Variants in CCNJL observed in about 807,000 individuals in gnomAD.
The protein encoded by CCNJL is cyclin J like.
In CCNJL, 33 loss-of-function variants were observed where a neutral mutation model predicts 33.4. That is an observed-to-expected ratio of 0.99 (90% CI 0.75 to 1.32). The LOEUF is 1.32. CCNJL is among the 40% of genes most tolerant of loss of function. CCNJL has a pLI of 0.00. For synonymous variants in CCNJL, 227 were observed against 220.9 expected (o/e 1.03, Z -0.24); for missense variants, 512 against 499.7 (o/e 1.02, Z -0.23).
chr5:160,266,211 G>T (rs1761579002), intron 3 of CCNJL, among the ~76,000 whole-genome samples: 1 of 152,270 alleles, frequency 6.6e-6, no homozygotes, highest in African/African-American at 2.4e-5. Flanking sequence ...AGGGACAGAA[G>T]AGGAAAGAGA....
chr5:160,304,703 C>T (rs1160064115), intron 2 of CCNJL, among the ~76,000 whole-genome samples: 2 of 152,056 alleles, frequency 1.3e-5, no homozygotes, highest in African/African-American at 2.4e-5. Flanking sequence ...GGGGAACTTT[C>T]CCTTGAGGGA....
chr5:160,296,459 T>C (rs773964085), intron 2 of CCNJL, among the ~76,000 whole-genome samples: 26 of 152,238 alleles, frequency 1.7e-4, no homozygotes, highest in Non-Finnish European at 2.9e-4. Context: ...TTTGACCCTA[T>C]TGTCTACAAC....
intron 3 of CCNJL, among the ~76,000 whole-genome samples, chr5:160,274,609 T>C (rs1377168676): frequency 6.6e-6 from 1 of 152,194 alleles, no homozygotes; most frequent in Non-Finnish European, 1.5e-5. Flanking sequence ...AGAAAGGCCA[T>C]GCGACCACCT....
chr5:160,277,743 T>TG (rs543405201), intron 3 of CCNJL, among the ~76,000 whole-genome samples: 3 of 133,880 alleles, frequency 2.2e-5, no homozygotes, highest in Non-Finnish European at 4.8e-5. Flanking sequence ...CCTGTCTATC[T>TG]GTTTTTTTTT....
At chr5:160,291,036 TAAA>T (rs1177369719) in intron 2 of CCNJL, among the ~76,000 whole-genome samples, 9 of 57,540 alleles carry the variant, frequency 1.6e-4, no homozygotes, top group South Asian at 1.4e-3. Context: ...CGTCTTTACT[TAAA>T]AAAAAAAAAA....
rs1240380558 is a variant in CCNJL at position 160,279,260 on chromosome 5, C to T, written c.280+1265G>A. ...GGGAAATGAATAATGAAATAGGACA[C>T]AAACATATCTCAGAGGAGAATGTAA... On this transcript the variant is annotated intron_variant, in intron 3 of 5. Transcript: ENST00000257536. Among the ~76,000 whole-genome samples, 30 of 152,270 alleles carry T rather than the reference C, an allele frequency of 2.0e-4. 2 individuals carry two copies. The highest frequency in any genetic ancestry group is 1.5e-5 in the Non-Finnish European group (1 of 68,024).
intron 1 of CCNJL, among the ~76,000 whole-genome samples, chr5:160,329,241 T>C (rs1411943000): frequency 6.6e-6 from 1 of 152,156 alleles, no homozygotes; most frequent in African/African-American, 2.4e-5. Flanking sequence ...CTAGGTGCTA[T>C]GTAGTCAAAC....
At chr5:160,278,844 A>G (rs185113099) in intron 3 of CCNJL, among the ~76,000 whole-genome samples, 6 of 152,328 alleles carry the variant, frequency 3.9e-5, no homozygotes, top group Admixed American at 2.6e-4. Flanking sequence ...TACGATGCCC[A>G]GTGTGCCCTC....
At chr5:160,277,153 C>T (rs1178884454) in intron 3 of CCNJL, among the ~76,000 whole-genome samples, 1 of 152,194 alleles carries the variant, frequency 6.6e-6, no homozygotes, top group Non-Finnish European at 1.5e-5. Flanking sequence ...ACAAACACAA[C>T]CCCACACTAC....
intron 2 of CCNJL, among the ~76,000 whole-genome samples, chr5:160,284,403 T>C (rs759744082): frequency 6.6e-6 from 1 of 151,804 alleles, no homozygotes; most frequent in Non-Finnish European, 1.5e-5. Context: ...TGAATTGTTA[T>C]ATCTCAATAA....
intron 2 of CCNJL, among the ~76,000 whole-genome samples, chr5:160,310,907 G>C (rs1011641764): frequency 1.3e-5 from 2 of 152,166 alleles, no homozygotes; most frequent in African/African-American, 2.4e-5. Context: ...TCATGGCCCT[G>C]CTAACACCTT....
intron 2 of CCNJL, among the ~76,000 whole-genome samples, chr5:160,295,727 C>T (rs904055424): frequency 6.6e-6 from 1 of 152,076 alleles, no homozygotes; most frequent in Non-Finnish European, 1.5e-5. Flanking sequence ...GGATAAAATG[C>T]CAGCTGCTGC....
chr5:160,319,759 T>A (rs938056901), intron 1 of CCNJL, among the ~76,000 whole-genome samples: 2 of 152,002 alleles, frequency 1.3e-5, no homozygotes, highest in African/African-American at 4.8e-5. Context: ...AGTGAGACCG[T>A]TTCTACAATT....
At chr5:160,267,383 A>G (rs17057577) in intron 3 of CCNJL, among the ~76,000 whole-genome samples, 8,053 of 152,304 alleles carry the variant, frequency 0.053, 250 homozygotes, top group South Asian at 0.07. Flanking sequence ...GGGACAAAGC[A>G]GCATTTAAAA....
At chr5:160,302,090 A>G (rs1475694876) in intron 2 of CCNJL, among the ~76,000 whole-genome samples, 1 of 152,212 alleles carries the variant, frequency 6.6e-6, no homozygotes. Context: ...CTCACTGTAC[A>G]CTATAAACGG....
At chr5:160,275,344 C>CT (rs1353059189) in intron 3 of CCNJL, among the ~76,000 whole-genome samples, 1 of 152,110 alleles carries the variant, frequency 6.6e-6, no homozygotes, top group African/African-American at 2.4e-5. Flanking sequence ...CCTTGGCCTC[C>CT]TAAAGTGCTG....
chr5:160,290,823 A>G (rs1261120560), intron 2 of CCNJL, among the ~76,000 whole-genome samples: 9 of 152,096 alleles, frequency 5.9e-5, no homozygotes, highest in African/African-American at 2.2e-4. Flanking sequence ...GGTGAGAAAA[A>G]ACATTATTTG....
intron 2 of CCNJL, among the ~76,000 whole-genome samples, chr5:160,288,255 C>T (rs1762473298): frequency 6.6e-6 from 1 of 152,056 alleles, no homozygotes; most frequent in Non-Finnish European, 1.5e-5. Flanking sequence ...TTTTCAACAG[C>T]CTGAATTTTT....
intron 2 of CCNJL, among the ~76,000 whole-genome samples, chr5:160,286,146 C>T (rs1762399500): frequency 1.3e-5 from 2 of 152,164 alleles, no homozygotes; most frequent in South Asian, 4.1e-4. Flanking sequence ...GTCCAAAGCC[C>T]CCAAACACAA....
Sources: allele counts gnomAD v4.1 joint callset (sites outside exome capture counted in the v4.1 genomes callset), GRCh38; gene constraint gnomAD v4.1.1; transcripts MANE v1.5; gene names NCBI Gene and HGNC (gene_info 2026-07-23, HGNC 2026-07-21).